Variants in ELAPOR2 observed in about 807,000 individuals in gnomAD.
ELAPOR2 encodes endosome/lysosome-associated apoptosis and autophagy regulator family member 2.
In ELAPOR2, 89 loss-of-function variants were observed where a neutral mutation model predicts 120.7. That is an observed-to-expected ratio of 0.74 (90% confidence interval 0.62 to 0.88). ELAPOR2 has a LOEUF of 0.88. ELAPOR2 is among the 40% of genes least tolerant of loss of function. The probability of loss-of-function intolerance (pLI) is 0.00; values close to 1 mark genes in which losing one functional copy is unlikely to be tolerated. For missense variants in ELAPOR2, 1,134 were observed against 1,251.6 expected, an observed-to-expected ratio of 0.91 and a Z score of 1.42; for synonymous variants, 444 against 444.9, an observed-to-expected ratio of 1.00 and a Z score of 0.03.
At chr7:87,038,332 T>G (rs945585549) in intron 1 of ELAPOR2, among the ~76,000 whole-genome samples, 8 of 152,232 alleles carry the variant, frequency 5.3e-5, no homozygotes, top group African/African-American at 1.9e-4. Flanking sequence ...ACTAAATAAT[T>G]GCTTTCTCTG....
At chr7:87,032,769 A>T (rs58809695) in intron 1 of ELAPOR2, among the ~76,000 whole-genome samples, 1 of 152,174 alleles carries the variant, frequency 6.6e-6, no homozygotes, top group African/African-American at 2.4e-5. Context: ...AGCATAGCAT[A>T]AAAAGGAAGT....
chr7:86,996,220 G>A (rs1228394549), intron 1 of ELAPOR2, among the ~76,000 whole-genome samples: 3 of 152,152 alleles, frequency 2.0e-5, no homozygotes, highest in African/African-American at 4.8e-5. Flanking sequence ...AAAAGAAGGA[G>A]AGCTCTACTT....
intron 1 of ELAPOR2, among the ~76,000 whole-genome samples, chr7:86,967,296 C>CT (rs1791943476): frequency 6.6e-6 from 1 of 152,014 alleles, no homozygotes; most frequent in Non-Finnish European, 1.5e-5. Context: ...CCTGTCTCTA[C>CT]TAAAAGTACA....
At chr7:86,957,122 T>C (rs181622538) in intron 2 of ELAPOR2, among the ~76,000 whole-genome samples, 1 of 152,324 alleles carries the variant, frequency 6.6e-6, no homozygotes, top group East Asian at 1.9e-4. Context: ...TTCTCAACTG[T>C]TTTCATCTCA....
intron 1 of ELAPOR2, among the ~76,000 whole-genome samples, chr7:87,045,745 A>G (rs1049666458): frequency 1.3e-5 from 2 of 151,788 alleles, no homozygotes; most frequent in Non-Finnish European, 2.9e-5. Flanking sequence ...GTACCCTAAA[A>G]CTTAAAGTAT....
chr7:87,002,004 C>T (rs2116633771), intron 1 of ELAPOR2, among the ~76,000 whole-genome samples: 1 of 152,272 alleles, frequency 6.6e-6, no homozygotes, highest in East Asian at 1.9e-4. Context: ...CAAGTCAATG[C>T]TGTTCTGCTA....
chr7:86,909,734 C>G (rs910024656), intron 16 of ELAPOR2, 78 bp downstream of exon 16: 39 of 1,263,080 alleles, frequency 3.1e-5, no homozygotes, highest in Non-Finnish European at 4.0e-5. Flanking sequence ...ATAGCAAACA[C>G]CAATACAATG....
chr7:86,894,611 C>T (rs1367004541), intron 19 of ELAPOR2, among the ~76,000 whole-genome samples: 2 of 151,784 alleles, frequency 1.3e-5, no homozygotes, highest in South Asian at 2.1e-4. Flanking sequence ...TCTCAAATAC[C>T]GACATGGAAA....
intron 8 of ELAPOR2, among the ~76,000 whole-genome samples, chr7:86,928,276 A>G (rs1790167704): frequency 6.6e-6 from 1 of 151,840 alleles, no homozygotes; most frequent in Admixed American, 6.6e-5. Context: ...GGGGCTCTCA[A>G]CTCCCCTTAA....
At chr7:86,958,465 ACCTTATTTAACCC>A (rs1270379645) in intron 2 of ELAPOR2, among the ~76,000 whole-genome samples, 1 of 152,092 alleles carries the variant, frequency 6.6e-6, no homozygotes, top group Non-Finnish European at 1.5e-5. Context: ...CACATTTATC[ACCTTATTTAACCC>A]CCTTAACCAC....
At chr7:86,983,782 T>C (rs13221515) in intron 1 of ELAPOR2, among the ~76,000 whole-genome samples, 1 of 152,012 alleles carries the variant, frequency 6.6e-6, no homozygotes, top group Non-Finnish European at 1.5e-5. Flanking sequence ...CATCAACTAA[T>C]GGGCAAAATA....
At chr7:86,956,912 C>T (rs1025777417) in intron 2 of ELAPOR2, among the ~76,000 whole-genome samples, 3 of 152,280 alleles carry the variant, frequency 2.0e-5, no homozygotes, top group East Asian at 1.9e-4. Context: ...CCTACCACTT[C>T]GATTCTTATC....
chr7:86,957,259 A>G (rs568029320), intron 2 of ELAPOR2, among the ~76,000 whole-genome samples: 37 of 152,364 alleles, frequency 2.4e-4, no homozygotes, highest in African/African-American at 8.4e-4. Context: ...TGAGGACAAA[A>G]TATTTGACAG....
At chr7:86,986,685 C>T (rs1323206727) in intron 1 of ELAPOR2, among the ~76,000 whole-genome samples, 55 of 150,800 alleles carry the variant, frequency 3.6e-4, no homozygotes, top group Admixed American at 1.6e-3. Context: ...CACTGCTCAA[C>T]GAAATAAAAG....
chr7:86,948,065 T>A, intron 2 of ELAPOR2, 143 bp from the exon 3 acceptor site: 1 of 621,318 alleles, frequency 1.6e-6, no homozygotes, highest in East Asian at 2.8e-5. Flanking sequence ...TATCACTACA[T>A]GCATTTCACA....
intron 1 of ELAPOR2, among the ~76,000 whole-genome samples, chr7:87,037,002 G>C (rs1227062337): frequency 6.6e-6 from 1 of 151,908 alleles, no homozygotes; most frequent in African/African-American, 2.4e-5. Flanking sequence ...CAGATTTACG[G>C]GTCTCCTTCC....
chr7:86,966,606 C>T (rs996499168), intron 1 of ELAPOR2, among the ~76,000 whole-genome samples: 3 of 152,178 alleles, frequency 2.0e-5, no homozygotes, highest in Non-Finnish European at 4.4e-5. Context: ...TTTGTTACAA[C>T]AACACTTCCC....
At chr7:86,922,764 G>A (rs1342312696) in intron 10 of ELAPOR2, among the ~76,000 whole-genome samples, 1 of 151,664 alleles carries the variant, frequency 6.6e-6, no homozygotes, top group Admixed American at 6.6e-5. Flanking sequence ...TTACCTTTAA[G>A]TAACATAATA....
chr7:87,048,568 C>A (rs964685044), intron 1 of ELAPOR2, among the ~76,000 whole-genome samples: 37 of 152,122 alleles, frequency 2.4e-4, no homozygotes, highest in African/African-American at 8.9e-4. Flanking sequence ...TTATTTGATA[C>A]CACAACAGTG....
Sources: allele counts gnomAD v4.1 joint callset (sites outside exome capture counted in the v4.1 genomes callset), GRCh38; gene constraint gnomAD v4.1.1; transcripts MANE v1.5; gene names NCBI Gene and HGNC (gene_info 2026-07-23, HGNC 2026-07-21).